The following STAC variants were observed in gnomAD, a reference collection of about 807,000 sequenced individuals.
The protein encoded by STAC is SH3 and cysteine-rich domain-containing protein.
In STAC, 43 loss-of-function variants were observed where a neutral mutation model predicts 48.8. The observed-to-expected ratio is 0.88, with a 90% CI of 0.69 to 1.14. The LOEUF is 1.14. Among genes scored for constraint, STAC ranks in the 50% most tolerant of loss-of-function variants. The pLI is 0.00. For synonymous variants in STAC, 193 were observed against 179.5 expected (o/e 1.07, Z -0.60); for missense variants, 497 against 504.0 (o/e 0.99, Z 0.13).
intron 2 of STAC, among the ~76,000 whole-genome samples, chr3:36,459,547 A>T (rs1229276176): frequency 6.6e-6 from 1 of 152,266 alleles, no homozygotes; most frequent in Non-Finnish European, 1.5e-5. Context: ...CATAGTGTAC[A>T]GATTGCTCTA....
chr3:36,470,449 C>T (rs963468672), intron 2 of STAC, among the ~76,000 whole-genome samples: 4 of 152,252 alleles, frequency 2.6e-5, no homozygotes, highest in African/African-American at 7.2e-5. Flanking sequence ...TGGATTCCAG[C>T]ACCGGCTCCA....
intron 8 of STAC, among the ~76,000 whole-genome samples, chr3:36,515,999 T>TTTC (rs1698664098): frequency 7.6e-6 from 1 of 132,058 alleles, no homozygotes; most frequent in Admixed American, 7.5e-5. Context: ...TTTTTTTTTT[T>TTTC]TGAGACAGAG....
intron 1 of STAC, among the ~76,000 whole-genome samples, chr3:36,431,776 G>T (rs1414508740): frequency 1.3e-5 from 2 of 152,084 alleles, no homozygotes; most frequent in African/African-American, 4.8e-5. Context: ...TTTCCTCCCT[G>T]CTCTTTCTGG....
intron 8 of STAC, among the ~76,000 whole-genome samples, chr3:36,510,197 GA>G (rs1327046350): frequency 6.6e-6 from 1 of 152,000 alleles, no homozygotes; most frequent in Non-Finnish European, 1.5e-5. Flanking sequence ...ACAAACATGT[GA>G]AAAAAAGATC....
intron 8 of STAC, among the ~76,000 whole-genome samples, chr3:36,514,907 G>A (rs750825350): frequency 2.6e-5 from 4 of 151,884 alleles, no homozygotes; most frequent in Non-Finnish European, 5.9e-5. Flanking sequence ...GCATGGTGGT[G>A]TGTGCCTGTA....
chr3:36,468,754 G>GTATATATATATAAAATACATATA (rs776888937), intron 2 of STAC, among the ~76,000 whole-genome samples: 12 of 116,954 alleles, frequency 1.0e-4, no homozygotes, highest in Admixed American at 6.6e-4. Flanking sequence ...ACATATATGT[G>GTATATATATATAAAATACATATA]TGTGTGTGTG....
chr3:36,443,410 G>T lies in STAC; in HGVS notation c.158G>T (p.Arg53Leu). ...CTTTCTTTCAAGACCAAGAGTTTACGGAGCAAAAGTGCTGACAACTTCTTC... is the reference window on the plus strand; with the variant it reads ...CTTTCTTTCAAGACCAAGAGTTTACTGAGCAAAAGTGCTGACAACTTCTTC... ...RSLSFKTKSL[R>L]SKSADNFFQR... Residue 53 changes from arginine to leucine, a missense_variant, in exon 2 of 11, where the codon CGG becomes CTG. Coordinates refer to ENST00000273183, the MANE Select transcript of STAC (RefSeq NM_003149.3). This position sits in a 1 kb window ranked among gnomAD's most constrained non-coding sequence, Gnocchi z 4.2. The T allele has an allele frequency of 6.2e-7, 1 of 1,614,162 alleles. No individual in the cohort carries two copies. The highest frequency in any genetic ancestry group is 1.1e-5 in the South Asian group (1 of 91,074).
chr3:36,511,253 A>G (rs1316160881), intron 8 of STAC, among the ~76,000 whole-genome samples: 1 of 152,252 alleles, frequency 6.6e-6, no homozygotes, highest in Non-Finnish European at 1.5e-5. Flanking sequence ...TATTTATAAA[A>G]GAATAATAAT....
chr3:36,504,601 T>C (rs932086740), intron 7 of STAC, 144 bp downstream of exon 7: 40 of 658,122 alleles, frequency 6.1e-5, no homozygotes, highest in African/African-American at 9.1e-5. Context: ...CAACGTACCA[T>C]AGCATGGAAT....
At chr3:36,398,308 A>AAAGCAAGAAAGC (rs1699896920) in intron 1 of STAC, among the ~76,000 whole-genome samples, 1 of 111,270 alleles carries the variant, frequency 9.0e-6, no homozygotes, top group South Asian at 3.1e-4. Context: ...AGAAAGAAAG[A>AAAGCAAGAAAGC]AAGAAAGAAA....
intron 2 of STAC, among the ~76,000 whole-genome samples, chr3:36,454,320 C>G (rs1299379348): frequency 6.6e-6 from 1 of 152,094 alleles, no homozygotes; most frequent in African/African-American, 2.4e-5. Context: ...GAAGGAACAA[C>G]TCCAGACGCG....
At chr3:36,435,200 G>C (rs1362396225) in intron 1 of STAC, among the ~76,000 whole-genome samples, 1 of 152,084 alleles carries the variant, frequency 6.6e-6, no homozygotes, top group Non-Finnish European at 1.5e-5. Context: ...TCTCTGAAAT[G>C]GTTATTCCAC....
intron 7 of STAC, among the ~76,000 whole-genome samples, chr3:36,504,784 C>G (rs1426017449): frequency 6.6e-6 from 1 of 151,600 alleles, no homozygotes; most frequent in Non-Finnish European, 1.5e-5. Flanking sequence ...TTTAGACAAA[C>G]TAGAATAATA....
At chr3:36,487,274 C>T (rs988678271) in intron 5 of STAC, among the ~76,000 whole-genome samples, 12 of 151,980 alleles carry the variant, frequency 7.9e-5, no homozygotes, top group African/African-American at 2.7e-4. Context: ...CAGTTTAAGC[C>T]ACAAGATTGT....
chr3:36,452,466 G>A (rs1296427779), intron 2 of STAC, among the ~76,000 whole-genome samples: 1 of 152,142 alleles, frequency 6.6e-6, no homozygotes, highest in African/African-American at 2.4e-5. Flanking sequence ...CAGACACCAT[G>A]GTGTGCTGTG....
chr3:36,514,768 C>T (rs1698629401), intron 8 of STAC, among the ~76,000 whole-genome samples: 1 of 152,166 alleles, frequency 6.6e-6, no homozygotes, highest in Non-Finnish European at 1.5e-5. Context: ...GGCGCAGTGG[C>T]TCATGCCTGT....
At chr3:36,423,171 A>G (rs763711567) in intron 1 of STAC, among the ~76,000 whole-genome samples, 3 of 152,114 alleles carry the variant, frequency 2.0e-5, no homozygotes, top group Non-Finnish European at 2.9e-5. Flanking sequence ...GAGAGAATGA[A>G]GTAGGCATAT....
chr3:36,482,826 G>A (rs1697689007), intron 2 of STAC, among the ~76,000 whole-genome samples, 166 bp from the exon 3 acceptor site: 1 of 152,144 alleles, frequency 6.6e-6, no homozygotes, highest in Non-Finnish European at 1.5e-5. Flanking sequence ...GAAAATGCAG[G>A]AGAAAGCAAA....
At chr3:36,419,247 C>A (rs1274548777) in intron 1 of STAC, among the ~76,000 whole-genome samples, 2 of 152,148 alleles carry the variant, frequency 1.3e-5, no homozygotes, top group East Asian at 3.8e-4. Flanking sequence ...CAGCATTTGT[C>A]ATTCTCCTTC....
Sources: gnomAD v4.1 joint callset for allele counts (sites outside exome capture counted in the v4.1 genomes callset) on GRCh38, gnomAD v4.1.1 for gene constraint, Gnocchi (gnomAD v3.1) non-coding constraint, MANE v1.5 for transcripts, NCBI Gene and HGNC (gene_info 2026-07-23, HGNC 2026-07-21) for gene names.